The following RICTOR variants were observed in gnomAD, a reference collection of about 807,000 sequenced individuals.
RICTOR encodes the protein RPTOR independent companion of MTOR complex 2.
RICTOR carries 49 observed loss-of-function variants against 214.9 expected under a neutral mutation model. The observed-to-expected ratio is 0.23, with a 90% CI of 0.18 to 0.29. The LOEUF (loss-of-function observed/expected upper bound fraction) is 0.29, where lower values mean the gene tolerates loss of function less well. Ranked by LOEUF, RICTOR falls within the 10% of genes least tolerant of loss-of-function variation. The pLI is 1.00. For missense variants in RICTOR, 1,625 were observed against 2,047.0 expected (o/e 0.79, Z 3.98); for synonymous variants, 717 against 711.3 (o/e 1.01, Z -0.13).
intron 25 of RICTOR, among the ~76,000 whole-genome samples, chr5:38,956,635 G>C (rs948177841): frequency 1.3e-5 from 2 of 152,066 alleles, no homozygotes; most frequent in Non-Finnish European, 2.9e-5. Flanking sequence ...CCCTAAGGCA[G>C]AATCATTAAT....
intron 2 of RICTOR, among the ~76,000 whole-genome samples, chr5:39,053,809 G>A (rs949903273): frequency 1.7e-4 from 25 of 143,344 alleles, no homozygotes; most frequent in African/African-American, 6.7e-4. Flanking sequence ...GGAGAATGGC[G>A]TGAACCCCAG....
In RICTOR at chr5:39,029,737, C is replaced by T. The variant is rs184317226; in HGVS notation, c.98-8601G>A. Among the ~76,000 whole-genome samples the T allele has an allele frequency of 4.1e-3, 618 of 152,204 alleles. 4 individuals carry two copies. The highest frequency in any genetic ancestry group is 0.014 in the Middle Eastern group (4 of 294). On this transcript the variant is annotated intron_variant, in intron 2 of 37. Transcript: ENST00000357387. ...ACTTTATGAGCATCCATTTTCTCTACGTAAAGTGGAAATATTTGCCTACTT... is the reference window on the plus strand; with the variant it reads ...ACTTTATGAGCATCCATTTTCTCTATGTAAAGTGGAAATATTTGCCTACTT...
intron 2 of RICTOR, among the ~76,000 whole-genome samples, chr5:39,046,393 A>G (rs1358332432): frequency 6.6e-6 from 1 of 150,810 alleles, no homozygotes; most frequent in Non-Finnish European, 1.5e-5. Context: ...AAAAAAAAGA[A>G]GAAGAATAAA....
At position 38,953,515 on chromosome 5, in the gene RICTOR, T is replaced by C. The variant is rs1395231478; in HGVS notation, c.2736A>G (p.Pro912=). The C allele has an allele frequency of 2.7e-6, 4 of 1,495,998 alleles. No individual in the cohort carries two copies. The highest frequency in any genetic ancestry group is 1.8e-4 in the Middle Eastern group (1 of 5,674). 92.7% of individuals were successfully genotyped at this position (1,495,998 alleles called of 1,614,324 possible). Residue 912 remains proline, a synonymous_variant, in exon 28 of 38, where the codon CCA becomes CCG. Transcript: ENST00000357387. ...TAATTTCTTCCCACTTATCCAAATCTGGTGTACGAACATTACGACAGAGTT... is the reference window on the plus strand; with the variant it reads ...TAATTTCTTCCCACTTATCCAAATCCGGTGTACGAACATTACGACAGAGTT... ...ITELCRNVRT[P]DLDKWEEIKK...
chr5:39,027,417 T>C (rs1333150276), intron 2 of RICTOR, among the ~76,000 whole-genome samples: 1 of 152,154 alleles, frequency 6.6e-6, no homozygotes, highest in Non-Finnish European at 1.5e-5. Flanking sequence ...ACTTCCTGGC[T>C]GTGACTAGAT....
At chr5:39,070,240 T>G (rs904256378) in intron 2 of RICTOR, among the ~76,000 whole-genome samples, 1 of 149,260 alleles carries the variant, frequency 6.7e-6, no homozygotes, top group Non-Finnish European at 1.5e-5. Flanking sequence ...CCGAGGCGGG[T>G]GGATCATGAG....
At chr5:38,957,824 G>T in intron 24 of RICTOR, 94 bp from the exon 25 acceptor site, 1 of 651,058 alleles carries the variant, frequency 1.5e-6, no homozygotes, top group Non-Finnish European at 2.7e-6. Context: ...AGTATAAGGA[G>T]CTAAAAGACT....
Position 38,967,447 on chromosome 5 carries a change from G to A in RICTOR, c.1061-20C>T, listed in dbSNP as rs763609039. ...CTGGATCTAAATTAGTTAAAATATGGTAGGGAAAAGATTAGATATCACTGA... is the reference window on the plus strand; with the variant it reads ...CTGGATCTAAATTAGTTAAAATATGATAGGGAAAAGATTAGATATCACTGA... On this transcript the variant is annotated intron_variant, in intron 12 of 37. Coordinates refer to ENST00000357387, the MANE Select transcript of RICTOR (RefSeq NM_152756.5). 1 of 1,530,076 alleles carries A rather than the reference G, an allele frequency of 6.5e-7. No homozygotes were observed. Among genetic ancestry groups the A allele is most frequent in the South Asian group, 1.1e-5 (1 of 87,234 alleles). The allele number at this position is 1,530,076 out of a possible 1,614,324, so 94.8% of individuals were successfully genotyped here. A position where few individuals can be genotyped will look rare whatever the true frequency, so the allele number is the denominator to read the frequency against.
At chr5:39,057,531 T>G (rs949317082) in intron 2 of RICTOR, among the ~76,000 whole-genome samples, 1 of 152,072 alleles carries the variant, frequency 6.6e-6, no homozygotes, top group East Asian at 1.9e-4. Flanking sequence ...TTTAAAATGG[T>G]TGGAAAAAGG....
In RICTOR at chr5:38,940,865, T is replaced by C. The variant is rs1414938222; in HGVS notation, c.*1439A>G. The C allele has an allele frequency of 4.3e-6, 1 of 232,264 alleles. No individual in the cohort carries two copies. 14.4% of individuals were successfully genotyped at this position (232,264 alleles called of 1,614,324 possible). ...AAGCCCATTACAAAAAGGATCTGCA[T>C]CATGGGAAAATATTAATGTTGCTAT... On this transcript the variant is annotated 3_prime_UTR_variant, in exon 38 of 38. Transcript: ENST00000357387.
chr5:38,982,381 G>C (rs1375294804), intron 7 of RICTOR, among the ~76,000 whole-genome samples: 1 of 152,080 alleles, frequency 6.6e-6, no homozygotes, highest in Admixed American at 6.5e-5. Context: ...TTCAGATTTT[G>C]ATTAAAATGG....
At chr5:38,963,097 A>T in intron 16 of RICTOR, 56 bp from the exon 17 acceptor site, 1 of 1,215,900 alleles carries the variant, frequency 8.2e-7, no homozygotes, top group Non-Finnish European at 1.1e-6. Flanking sequence ...AATTTAAGAG[A>T]TTACCTTGGT....
intron 7 of RICTOR, among the ~76,000 whole-genome samples, chr5:38,984,155 A>C (rs1751959960): frequency 6.6e-6 from 1 of 152,092 alleles, no homozygotes; most frequent in Non-Finnish European, 1.5e-5. Context: ...GTATTTTACA[A>C]TTTGTGAGTG....
intron 2 of RICTOR, among the ~76,000 whole-genome samples, chr5:39,050,214 A>C (rs1757751443): frequency 6.6e-6 from 1 of 151,060 alleles, no homozygotes; most frequent in African/African-American, 2.4e-5. Flanking sequence ...ATATATATAT[A>C]AAGTATGCTG....
chr5:39,029,023 T>C (rs991254707), intron 2 of RICTOR, among the ~76,000 whole-genome samples: 6 of 152,228 alleles, frequency 3.9e-5, no homozygotes, highest in Non-Finnish European at 5.9e-5. Flanking sequence ...TCTATTTGTA[T>C]GCAATGCAAA....
intron 8 of RICTOR, chr5:38,981,427 A>G (rs534457854): frequency 6.4e-6 from 1 of 156,438 alleles, no homozygotes; most frequent in Non-Finnish European, 1.4e-5. Flanking sequence ...TACAAAATAT[A>G]CATACATGCT....
At chr5:38,985,483 T>C (rs946720453) in intron 7 of RICTOR, among the ~76,000 whole-genome samples, 1 of 152,214 alleles carries the variant, frequency 6.6e-6, no homozygotes, top group Non-Finnish European at 1.5e-5. Flanking sequence ...CTTATTTTAC[T>C]TGTTACATTT....
At chr5:39,057,414 A>G (rs115876277) in intron 2 of RICTOR, among the ~76,000 whole-genome samples, 5,018 of 152,166 alleles carry the variant, frequency 0.033, 136 homozygotes, top group South Asian at 0.081. Flanking sequence ...CATAAACTAC[A>G]TTTAGTAATA....
At chr5:38,949,552 A>G in intron 31 of RICTOR, 160 bp downstream of exon 31, 1 of 1,067,248 alleles carries the variant, frequency 9.4e-7, no homozygotes, top group Non-Finnish European at 1.3e-6. Flanking sequence ...AATCCATTTC[A>G]AGTCATATCG....
Sources: gnomAD v4.1 joint callset for allele counts (sites outside exome capture counted in the v4.1 genomes callset) on GRCh38, gnomAD v4.1.1 for gene constraint, MANE v1.5 for transcripts, NCBI Gene and HGNC (gene_info 2026-07-23, HGNC 2026-07-21) for gene names.